The following DPP6 variants were observed in gnomAD, a reference collection of about 807,000 sequenced individuals.
DPP6 encodes A-type potassium channel modulatory protein DPP6.
Under a neutral mutation model 122.6 loss-of-function variants are expected in DPP6, and 69 were observed. The ratio of observed to expected loss-of-function variants is 0.56; its 90% CI spans 0.46 to 0.69. DPP6 has a LOEUF of 0.69. DPP6 is among the 30% of genes least tolerant of loss of function. DPP6 has a pLI of 0.00. For synonymous variants in DPP6, 418 were observed against 433.1 expected, an observed-to-expected ratio of 0.97 and a Z score of 0.43; for missense variants, 928 against 1,116.9, an observed-to-expected ratio of 0.83 and a Z score of 2.41.
chr7:154,066,569 G>A (rs570956166), intron 1 of DPP6, among the ~76,000 whole-genome samples: 1 of 152,286 alleles, frequency 6.6e-6, no homozygotes, highest in South Asian at 2.1e-4. Flanking sequence ...TGGTGGGAGG[G>A]GTGCATGGGA....
chr7:154,764,026 C>T (rs75834604), intron 8 of DPP6, among the ~76,000 whole-genome samples: 1 of 152,040 alleles, frequency 6.6e-6, no homozygotes, highest in East Asian at 1.9e-4. Flanking sequence ...CACACCTGAG[C>T]TCTGTGGGCG....
intron 1 of DPP6, among the ~76,000 whole-genome samples, chr7:154,178,038 C>G (rs1797892016): frequency 6.6e-6 from 1 of 152,126 alleles, no homozygotes; most frequent in Non-Finnish European, 1.5e-5. Context: ...TGGTTTCACT[C>G]CTTTCACCAA....
chr7:154,267,396 AT>A (rs1283339314), intron 1 of DPP6, among the ~76,000 whole-genome samples: 3 of 148,168 alleles, frequency 2.0e-5, no homozygotes, highest in African/African-American at 7.4e-5. Flanking sequence ...CCTTATATAT[AT>A]TTTATATATA....
At chr7:154,776,020 T>TGGCCC in intron 10 of DPP6, among the ~76,000 whole-genome samples, 1 of 149,252 alleles carries the variant, frequency 6.7e-6, no homozygotes, top group Admixed American at 6.7e-5. Flanking sequence ...CTCCCTGGCC[T>TGGCCC]GGCCCACCAG....
chr7:154,609,213 C>T (rs753546020), intron 5 of DPP6, among the ~76,000 whole-genome samples: 4 of 152,156 alleles, frequency 2.6e-5, no homozygotes, highest in Non-Finnish European at 5.9e-5. Context: ...TCCATGTGTA[C>T]GTAATAGGAG....
At chr7:154,395,121 T>C (rs1814969869) in intron 1 of DPP6, among the ~76,000 whole-genome samples, 1 of 152,168 alleles carries the variant, frequency 6.6e-6, no homozygotes, top group Non-Finnish European at 1.5e-5. Context: ...GATGAGGGTG[T>C]GTTTATCATA....
Position 154,794,201 on chromosome 7 carries a change from A to C in DPP6, c.1259A>C (p.Lys420Thr). ...LCDATTGVCT[K>T]KHEDESEAWL... is the part of the protein sequence containing the mutation. Reference sequence around the variant, plus strand: ...GACGCCACCACGGGGGTCTGCACGAAGGTACGCGGGGCTGTGGGGGTGGAG... The same window carrying C: ...GACGCCACCACGGGGGTCTGCACGACGGTACGCGGGGCTGTGGGGGTGGAG... Residue 420 changes from lysine (K) to threonine (T), a missense_variant and splice_region_variant, in exon 11 of 26, where the codon AAG becomes ACG. Transcript: ENST00000377770. The C allele has an allele frequency of 6.2e-7, 1 of 1,607,504 alleles. No individual in the cohort carries two copies. The highest frequency in any genetic ancestry group is 8.5e-7 in the Non-Finnish European group (1 of 1,176,380).
chr7:154,410,425 A>G (rs991404445), intron 1 of DPP6, among the ~76,000 whole-genome samples: 3 of 152,262 alleles, frequency 2.0e-5, no homozygotes, highest in South Asian at 2.1e-4. Context: ...TCAGTATTTC[A>G]TCAGGTATAA....
chr7:154,475,308 G>A, intron 3 of DPP6: 1 of 413,094 alleles, frequency 2.4e-6, no homozygotes, highest in South Asian at 2.0e-5. Flanking sequence ...TCCTTTGTGT[G>A]CCACCTCCCA....
intron 12 of DPP6, 144 bp from the exon 13 acceptor site, chr7:154,801,211 C>G: frequency 8.6e-7 from 1 of 1,165,198 alleles, no homozygotes. Context: ...AAGTGACGGC[C>G]TCATCAAGCA....
chr7:153,838,669 C>A, the DPP6 span, among the ~76,000 whole-genome samples: 1 of 152,174 alleles, frequency 6.6e-6, no homozygotes, highest in Non-Finnish European at 1.5e-5. Flanking sequence ...TTTTATGTCA[C>A]CTCATTCCAT....
chr7:154,664,634 T>A (rs1489743288), intron 6 of DPP6, among the ~76,000 whole-genome samples: 1 of 151,894 alleles, frequency 6.6e-6, no homozygotes, highest in Non-Finnish European at 1.5e-5. Flanking sequence ...TGAGGGCCTG[T>A]GCTGTGCTCC....
chr7:153,886,283 G>C (rs1053521487), upstream of DPP6, among the ~76,000 whole-genome samples: 3 of 152,300 alleles, frequency 2.0e-5, no homozygotes, highest in East Asian at 1.9e-4. Context: ...AGCCAACCGC[G>C]TTTGTGAATG....
chr7:154,536,580 T>C (rs1366120146), intron 3 of DPP6, among the ~76,000 whole-genome samples: 1 of 152,146 alleles, frequency 6.6e-6, no homozygotes, highest in African/African-American at 2.4e-5. Context: ...CTGAATGTAA[T>C]GCATATAAGG....
At chr7:154,523,655 G>C (rs892164898) in intron 3 of DPP6, among the ~76,000 whole-genome samples, 1 of 152,038 alleles carries the variant, frequency 6.6e-6, no homozygotes, top group Admixed American at 6.6e-5. Flanking sequence ...TGGTAGAATG[G>C]CTCCTCTTTT....
intron 4 of DPP6, among the ~76,000 whole-genome samples, chr7:154,559,239 T>C (rs1472486217): frequency 1.5e-5 from 2 of 136,278 alleles, no homozygotes; most frequent in African/African-American, 5.5e-5. Flanking sequence ...AAAAAAAAAT[T>C]CTCTAGATGA....
chr7:154,779,415 C>T (rs1796895216), intron 10 of DPP6, among the ~76,000 whole-genome samples: 1 of 152,038 alleles, frequency 6.6e-6, no homozygotes, highest in Admixed American at 6.6e-5. Flanking sequence ...GTCTCCTCTG[C>T]CTCCTTCCCT....
chr7:154,027,884 C>A (rs1449475671), intron 1 of DPP6, among the ~76,000 whole-genome samples: 1 of 151,680 alleles, frequency 6.6e-6, no homozygotes, highest in Admixed American at 6.6e-5. Context: ...ATCATACTGA[C>A]AGCATGAGCC....
At chr7:154,475,183 A>G in intron 3 of DPP6, 146 bp downstream of exon 3, 1 of 694,614 alleles carries the variant, frequency 1.4e-6, no homozygotes, top group Non-Finnish European at 2.6e-6. Context: ...AGTCATCATC[A>G]GATTATCATT....
Sources: allele counts gnomAD v4.1 joint callset (sites outside exome capture counted in the v4.1 genomes callset), GRCh38; gene constraint gnomAD v4.1.1; transcripts MANE v1.5; gene names NCBI Gene and HGNC (gene_info 2026-07-23, HGNC 2026-07-21).